GALNT13: variants seen among roughly 807,000 people sequenced by gnomAD.
The protein encoded by GALNT13 is UDP-GalNAc:polypeptide N-acetylgalactosaminyltransferase 13.
In GALNT13, 28 loss-of-function variants were observed where a neutral mutation model predicts 64.2. The ratio of observed to expected loss-of-function variants is 0.44; its 90% CI spans 0.32 to 0.60. GALNT13 has a LOEUF of 0.60. Among genes scored for constraint, GALNT13 ranks in the 20% least tolerant of loss-of-function variants. The pLI is 0.05. For missense variants in GALNT13, 577 were observed against 669.8 expected (o/e 0.86, Z 1.53); for synonymous variants, 214 against 224.6 (o/e 0.95, Z 0.42).
At chr2:154,165,146 T>C (rs1415322090) in intron 4 of GALNT13, among the ~76,000 whole-genome samples, 1 of 151,984 alleles carries the variant, frequency 6.6e-6, no homozygotes, top group African/African-American at 2.4e-5. Flanking sequence ...TTTAAGTGAG[T>C]GTTAATGTGA....
At chr2:153,690,902 T>C in the GALNT13 span, among the ~76,000 whole-genome samples, 1 of 152,078 alleles carries the variant, frequency 6.6e-6, no homozygotes, top group Admixed American at 6.6e-5. Context: ...CCTCCAGACC[T>C]GTAAGAGGGT....
At chr2:153,092,149 C>T in the GALNT13 span, among the ~76,000 whole-genome samples, 1 of 152,036 alleles carries the variant, frequency 6.6e-6, no homozygotes, top group Admixed American at 6.6e-5. Context: ...AATGAGTTCA[C>T]TCTAGGTGTG....
chr2:153,446,050 A>G, the GALNT13 span, among the ~76,000 whole-genome samples: 1 of 152,212 alleles, frequency 6.6e-6, no homozygotes, highest in South Asian at 2.1e-4. Flanking sequence ...CTCTATATAT[A>G]AAGTTTACGT....
chr2:153,112,666 G>A, the GALNT13 span, among the ~76,000 whole-genome samples: 14 of 152,146 alleles, frequency 9.2e-5, no homozygotes, highest in African/African-American at 2.4e-4. Context: ...ATTAAAGAGC[G>A]TGTTGAATTA....
chr2:154,381,433 A>C (rs1278828064), intron 9 of GALNT13, among the ~76,000 whole-genome samples: 2 of 152,006 alleles, frequency 1.3e-5, no homozygotes, highest in Non-Finnish European at 2.9e-5. Context: ...TATTCTCTGT[A>C]CATCTCTCAA....
At chr2:153,369,008 T>A in the GALNT13 span, among the ~76,000 whole-genome samples, 1,941 of 151,944 alleles carry the variant, frequency 0.013, 49 homozygotes, top group African/African-American at 0.044. Flanking sequence ...GTAGAATTAA[T>A]AGCAGAAAGA....
At chr2:153,840,362 G>A in the GALNT13 span, among the ~76,000 whole-genome samples, 15 of 152,126 alleles carry the variant, frequency 9.9e-5, no homozygotes, top group East Asian at 2.9e-3. Context: ...TGACATCATG[G>A]CAAGCATGAT....
At chr2:154,062,194 C>A (rs1700223794) in intron 3 of GALNT13, among the ~76,000 whole-genome samples, 1 of 152,084 alleles carries the variant, frequency 6.6e-6, no homozygotes, top group Admixed American at 6.5e-5. Context: ...GTTTAGTGTT[C>A]TGAGTCAATA....
At chr2:153,223,791 T>C in the GALNT13 span, among the ~76,000 whole-genome samples, 1 of 151,850 alleles carries the variant, frequency 6.6e-6, no homozygotes, top group African/African-American at 2.4e-5. Flanking sequence ...AAATCCCGCC[T>C]CTACTAAAAA....
chr2:154,290,971 T>C lies in GALNT13; in HGVS notation c.976-10438T>C, dbSNP rs148021446. Among the ~76,000 whole-genome samples the C allele has an allele frequency of 6.7e-3, 1,009 of 151,548 alleles. 11 individuals are homozygous for C. The highest frequency in any genetic ancestry group is 0.023 in the African/African-American group (967 of 41,260). On this transcript the variant is annotated intron_variant, in intron 8 of 12. Coordinates refer to ENST00000392825, the MANE Select transcript of GALNT13 (RefSeq NM_052917.4). ...TTCGTGGTCTCGCGGGCTTCAGGAG[T>C]GAAGCTACAGACCTTCTCGGTGAGC...
At chr2:154,366,287 T>C (rs1429313371) in intron 9 of GALNT13, among the ~76,000 whole-genome samples, 1 of 152,184 alleles carries the variant, frequency 6.6e-6, no homozygotes, top group Non-Finnish European at 1.5e-5. Context: ...AAGTTCTATC[T>C]TTGTCTAAAA....
At chr2:153,918,000 A>G (rs1289798759) in intron 2 of GALNT13, among the ~76,000 whole-genome samples, 1 of 151,862 alleles carries the variant, frequency 6.6e-6, no homozygotes, top group African/African-American at 2.4e-5. Flanking sequence ...TTTCTCCTGC[A>G]TGTACACATG....
the GALNT13 span, among the ~76,000 whole-genome samples, chr2:153,758,146 G>A: frequency 6.6e-6 from 1 of 152,050 alleles, no homozygotes; most frequent in Non-Finnish European, 1.5e-5. Context: ...CCCAGTTTGA[G>A]TCGCTTTTGT....
intron 3 of GALNT13, among the ~76,000 whole-genome samples, chr2:153,962,231 C>G (rs1331197291): frequency 6.6e-6 from 1 of 152,128 alleles, no homozygotes; most frequent in African/African-American, 2.4e-5. Context: ...ATTGTATATA[C>G]TTTCACTTTC....
At chr2:154,255,701 A>G (rs533845252) in intron 7 of GALNT13, among the ~76,000 whole-genome samples, 1 of 152,160 alleles carries the variant, frequency 6.6e-6, no homozygotes, top group South Asian at 2.1e-4. Context: ...GATTGAGATA[A>G]TTTAGATTTC....
intron 10 of GALNT13, among the ~76,000 whole-genome samples, chr2:154,398,342 AG>A (rs1475711770): frequency 6.6e-6 from 1 of 152,206 alleles, no homozygotes. Context: ...CTCCTGAGAA[AG>A]ACTCAGGGCT....
the GALNT13 span, among the ~76,000 whole-genome samples, chr2:153,441,583 T>C: frequency 6.6e-6 from 1 of 152,258 alleles, no homozygotes; most frequent in African/African-American, 2.4e-5. Flanking sequence ...TTCATGAGCA[T>C]GGAATATTTT....
intron 3 of GALNT13, among the ~76,000 whole-genome samples, chr2:154,000,528 AATTTTTACACTAAAAATAATTCTTC>A (rs1695836388): frequency 6.6e-6 from 1 of 152,002 alleles, no homozygotes; most frequent in African/African-American, 2.4e-5. Flanking sequence ...GGTCTCAAAG[AATTTTTACACTAAAAATAATTCTTC>A]ATTGATTCAT....
chr2:153,813,528 A>AT, the GALNT13 span, among the ~76,000 whole-genome samples: 64,684 of 150,714 alleles, frequency 0.43, 14,755 homozygotes, highest in Admixed American at 0.58. Context: ...ACCTTATCTC[A>AT]TTTTTTTTTC....
Sources: gnomAD v4.1 joint callset for allele counts (sites outside exome capture counted in the v4.1 genomes callset) on GRCh38, gnomAD v4.1.1 for gene constraint, MANE v1.5 for transcripts, NCBI Gene and HGNC (gene_info 2026-07-23, HGNC 2026-07-21) for gene names.